The following FAM181A variants were observed in gnomAD, a reference collection of about 807,000 sequenced individuals.
FAM181A encodes the protein family with sequence similarity 181 member A.
Under a neutral mutation model 16.3 loss-of-function variants are expected in FAM181A, and 7 were observed. That is an observed-to-expected ratio of 0.43 (90% CI 0.24 to 0.81). The LOEUF is 0.81. FAM181A is among the 30% of genes least tolerant of loss of function. The probability of loss-of-function intolerance (pLI) is 0.24; values close to 1 mark genes in which losing one functional copy is unlikely to be tolerated. For synonymous variants in FAM181A, 183 were observed against 164.9 expected (o/e 1.11, Z -0.84); for missense variants, 349 against 377.5 (o/e 0.92, Z 0.63).
At chr14:93,927,301 C>T (rs923502498), upstream of FAM181A, 2 of 1,043,556 alleles carry the variant, frequency 1.9e-6, no homozygotes, top group African/African-American at 3.5e-5. Context: ...GAGGGGCCCC[C>T]CAGCTCCGGG....
In FAM181A at chr14:93,928,515, G is replaced by C. The variant is rs775654430; in HGVS notation, c.230G>C (p.Arg77Thr). 1.9e-6 allele frequency: 3 copies of C among 1,611,592 alleles called. No individual in the cohort carries two copies. In the East Asian group the frequency reaches 6.7e-5, roughly 36 times the overall value. Residue 77 changes from arginine (R) to threonine (T), a missense_variant, in exon 2 of 2, where the codon AGG becomes ACG. Coordinates refer to ENST00000556222, the MANE Select transcript of FAM181A (RefSeq NM_001207073.2). ...AAAAGGGGGTCTGAGGACCGGCCCAGGAGGCTGCTCCTGGATTTGGGCCCT... is the reference window on the plus strand; with the variant it reads ...AAAAGGGGGTCTGAGGACCGGCCCACGAGGCTGCTCCTGGATTTGGGCCCT... ...YLKRGSEDRP[R>T]RLLLDLGPDS...
At chr14:93,922,010 C>T (rs956191749) in intron 1 of FAM181A, 2 of 152,144 alleles carry the variant, frequency 1.3e-5, no homozygotes, top group African/African-American at 4.8e-5. Context: ...GTGTGAGAAA[C>T]AGCACAGGGT....
Position 93,929,236 on chromosome 14 carries a change from G to A in FAM181A, c.*72G>A. On this transcript the variant is annotated 3_prime_UTR_variant, in exon 2 of 2. Coordinates refer to ENST00000556222, the MANE Select transcript of FAM181A (RefSeq NM_001207073.2). ...CGAGGTCCCCGAGGCGCTCTCCTGTGAGGAGGTGGCTGGGCCACAGTGTGG... is the reference window on the plus strand; with the variant it reads ...CGAGGTCCCCGAGGCGCTCTCCTGTAAGGAGGTGGCTGGGCCACAGTGTGG... 2.7e-6 allele frequency: 4 copies of A among 1,488,060 alleles called. No individual in the cohort carries two copies. The South Asian group carries it at 5.7e-5, about 21-fold the overall frequency. 92.2% of individuals were successfully genotyped at this position (1,488,060 alleles called of 1,614,324 possible). A position where few individuals can be genotyped will look rare whatever the true frequency, so the allele number is the denominator to read the frequency against.
chr14:93,928,129 T>C, intron 1 of FAM181A, 70 bp from the exon 2 acceptor site: 1 of 1,566,370 alleles, frequency 6.4e-7, no homozygotes, highest in Non-Finnish European at 8.6e-7. Flanking sequence ...TGTAGACAGG[T>C]GCTGTGGTCT....
rs367772229 is a variant in FAM181A at position 93,928,830 on chromosome 14, C to A, written c.545C>A (p.Thr182Asn). 2.9e-5 allele frequency: 47 copies of A among 1,613,946 alleles called. 1 individual carries two copies. The African/African-American group carries it at 6.1e-4, about 21-fold the overall frequency. The change falls in exon 2 of 2, where the codon ACC becomes AAC. Residue 182 changes from threonine to asparagine, a missense_variant. By Grantham distance (65) the Thr-to-Asn change is moderately conservative (BLOSUM62 0). Transcript: ENST00000556222. ...TTGGAGCCCCTGGGACCTGAGACTA[C>A]CCTGGTGTCCATGTCTCCAAGGGCC... is the stretch of plus-strand genomic sequence containing the variant. Reference protein sequence around the residue: ...KGLEPLGPETTLVSMSPRALA... With the variant: ...KGLEPLGPETNLVSMSPRALA...
chr14:93,922,045 C>T (rs571743077), intron 1 of FAM181A: 3 of 152,300 alleles, frequency 2.0e-5, no homozygotes, highest in African/African-American at 7.2e-5. Flanking sequence ...AGCTCCCTCC[C>T]AGGTGCTTCT....
At chr14:93,920,242 C>T (rs1451776710) in intron 1 of FAM181A, among the ~76,000 whole-genome samples, 1 of 152,050 alleles carries the variant, frequency 6.6e-6, no homozygotes, top group Non-Finnish European at 1.5e-5. Flanking sequence ...AGTAAGACCT[C>T]CTCTCTACAA....
At chr14:93,927,295 G>A, upstream of FAM181A, 1 of 1,036,414 alleles carries the variant, frequency 9.6e-7, no homozygotes, top group Non-Finnish European at 1.2e-6. Context: ...TGGCCTGAGG[G>A]GCCCCCCAGC....
Position 93,928,863 on chromosome 14 carries a change from A to C in FAM181A, c.578A>C (p.Glu193Ala). The C allele has an allele frequency of 6.2e-7, 1 of 1,614,100 alleles. No individual in the cohort carries two copies. Among genetic ancestry groups the C allele is most frequent in the Non-Finnish European group, 8.5e-7 (1 of 1,179,998 alleles). The change falls in exon 2 of 2, where the codon GAA becomes GCA. Residue 193 changes from glutamate (E) to alanine (A), a missense_variant. Physicochemically the swap from Glu to Ala is moderately radical, Grantham distance 107. Transcript: ENST00000556222. ...LVSMSPRALA[E>A]KEPLKMPGVS... Reference sequence around the variant, plus strand: ...TCCATGTCTCCAAGGGCCCTGGCTGAAAAGGAGCCGCTCAAGATGCCTGGG... The same window carrying C: ...TCCATGTCTCCAAGGGCCCTGGCTGCAAAGGAGCCGCTCAAGATGCCTGGG...
chr14:93,925,094 C>T (rs537736717), upstream of FAM181A: 109 of 573,014 alleles, frequency 1.9e-4, no homozygotes, highest in African/African-American at 1.4e-3. Context: ...GAAAGACTTT[C>T]GTAAGACACC....
upstream of FAM181A, chr14:93,927,062 C>CACACACACACACACACACACA (rs1415891809): frequency 5.6e-4 from 19 of 33,710 alleles, no homozygotes; most frequent in Non-Finnish European, 8.1e-4. Flanking sequence ...ACACACACAC[C>CACACACACACACACACACACA]CCACCCCCTT....
At chr14:93,923,948 G>A (rs1887813995), upstream of FAM181A, 3 of 152,214 alleles carry the variant, frequency 2.0e-5, no homozygotes, top group African/African-American at 7.2e-5. Flanking sequence ...CAAGTCACAG[G>A]AGATACAGAG....
rs778728404 is a variant in FAM181A, at chr14:93,928,397, C to A, written c.112C>A (p.Arg38Ser). 2 of 1,613,804 alleles carry A rather than the reference C, an allele frequency of 1.2e-6. No individual in the cohort carries two copies. The highest frequency in any genetic ancestry group is 1.7e-6 in the Non-Finnish European group (2 of 1,180,026). Residue 38 changes from arginine to serine, a missense_variant, in exon 2 of 2, where the codon CGC becomes AGC. Transcript: ENST00000556222. Reference protein sequence around the residue: ...SAPCRRSVDHRKYLQKQLKRF... With the variant: ...SAPCRRSVDHSKYLQKQLKRF... ...ACCCTGCCGCCGCTCCGTGGACCAT[C>A]GCAAGTACCTGCAGAAGCAGCTCAA...
At chr14:93,920,641 C>T (rs963409713) in intron 1 of FAM181A, among the ~76,000 whole-genome samples, 28 of 152,272 alleles carry the variant, frequency 1.8e-4, no homozygotes, top group Admixed American at 7.2e-4. Context: ...CATCCATTCA[C>T]GACAAGAACT....
At chr14:93,919,662 G>A (rs1887650993) in intron 1 of FAM181A, among the ~76,000 whole-genome samples, 1 of 152,154 alleles carries the variant, frequency 6.6e-6, no homozygotes, top group African/African-American at 2.4e-5. Context: ...GAGCATTATT[G>A]ACTCCCCAGG....
chr14:93,925,116 C>T (rs1189576724), upstream of FAM181A: 18 of 634,028 alleles, frequency 2.8e-5, no homozygotes, highest in Non-Finnish European at 3.5e-5. Flanking sequence ...ACTCACCTCC[C>T]ACGGAGTCCA....
rs1887952141 is a variant in FAM181A at position 93,927,436 on chromosome 14, G to A, written c.-106G>A. The A allele has an allele frequency of 3.3e-6, 4 of 1,215,148 alleles. No individual in the cohort carries two copies. The highest frequency in any genetic ancestry group is 1.2e-4 in the East Asian group (2 of 16,628). 75.3% of individuals were successfully genotyped at this position (1,215,148 alleles called of 1,614,324 possible). A position where few individuals can be genotyped will look rare whatever the true frequency, so the allele number is the denominator to read the frequency against. On this transcript the variant is annotated 5_prime_UTR_variant, in exon 1 of 2. Transcript: ENST00000556222. ...GGAACCTGCCGGGCCACGTTGGTGG[G>A]GCCTGGGCCGCACCTTCGGTCAGTG... is the stretch of plus-strand genomic sequence containing the variant.
In FAM181A at chr14:93,928,369, C is replaced by T. The variant is rs11554726; in HGVS notation, c.84C>T (p.Ser28=). 0.12 allele frequency: 196,141 copies of T among 1,613,684 alleles called. 12,703 individuals carry two copies. The highest frequency in any genetic ancestry group is 0.15 in the Middle Eastern group (894 of 6,060). Reference sequence around the variant, plus strand: ...ACATCAAGGCAGCCCTGGATAAGTCCGCACCCTGCCGCCGCTCCGTGGACC... The same window carrying T: ...ACATCAAGGCAGCCCTGGATAAGTCTGCACCCTGCCGCCGCTCCGTGGACC... ...SSDIKAALDK[S]APCRRSVDHR... Residue 28 remains serine, a synonymous_variant, in exon 2 of 2, where the codon TCC becomes TCT. Transcript: ENST00000556222.
At chr14:93,922,851 A>T (rs963440028), upstream of FAM181A, among the ~76,000 whole-genome samples, 11 of 152,258 alleles carry the variant, frequency 7.2e-5, no homozygotes, top group Non-Finnish European at 1.3e-4. Flanking sequence ...AAAGTTTTAT[A>T]TCATCAGAAC....
Sources: allele counts gnomAD v4.1 joint callset (sites outside exome capture counted in the v4.1 genomes callset), GRCh38; gene constraint gnomAD v4.1.1; transcripts MANE v1.5; gene names NCBI Gene and HGNC (gene_info 2026-07-23, HGNC 2026-07-21).